Variants in EXOC6B observed in about 807,000 individuals in gnomAD.
EXOC6B encodes exocyst complex component 6B.
In EXOC6B, 54 loss-of-function variants were observed where a neutral mutation model predicts 113.5. The ratio of observed to expected loss-of-function variants is 0.48; its 90% CI spans 0.38 to 0.60. EXOC6B has a LOEUF of 0.60. Ranked by LOEUF, EXOC6B falls within the 20% of genes least tolerant of loss-of-function variation. EXOC6B has a pLI of 0.00. For missense variants in EXOC6B, 797 were observed against 977.5 expected (o/e 0.82, Z 2.46); for synonymous variants, 357 against 339.0 (o/e 1.05, Z -0.58).
intron 5 of EXOC6B, among the ~76,000 whole-genome samples, chr2:72,729,075 G>A (rs576767610): frequency 8.1e-4 from 123 of 152,152 alleles, no homozygotes; most frequent in Middle Eastern, 6.8e-3. Flanking sequence ...TTTGTTGAGC[G>A]AATACACAGA....
chr2:72,525,987 G>T (rs950718176), intron 8 of EXOC6B, among the ~76,000 whole-genome samples: 2 of 152,044 alleles, frequency 1.3e-5, no homozygotes, highest in African/African-American at 4.8e-5. Flanking sequence ...CCAAAAGTTG[G>T]TAGTTTTCTA....
At chr2:72,775,397 C>A (rs1430800527) in intron 1 of EXOC6B, among the ~76,000 whole-genome samples, 1 of 152,178 alleles carries the variant, frequency 6.6e-6, no homozygotes, top group Non-Finnish European at 1.5e-5. Context: ...AATAACAAAA[C>A]ATAAACCTAT....
At chr2:72,626,776 A>G (rs900925316) in intron 6 of EXOC6B, among the ~76,000 whole-genome samples, 3 of 152,060 alleles carry the variant, frequency 2.0e-5, no homozygotes, top group African/African-American at 7.2e-5. Flanking sequence ...TTCCCTCCCC[A>G]CTATGCCAGA....
intron 19 of EXOC6B, among the ~76,000 whole-genome samples, chr2:72,338,120 A>C (rs1688799953): frequency 6.6e-6 from 1 of 152,102 alleles, no homozygotes; most frequent in Non-Finnish European, 1.5e-5. Flanking sequence ...CCAGCTTTCC[A>C]CTTAGTAGCT....
intron 20 of EXOC6B, among the ~76,000 whole-genome samples, chr2:72,304,839 T>C (rs1686739139): frequency 6.6e-6 from 1 of 152,174 alleles, no homozygotes; most frequent in Non-Finnish European, 1.5e-5. Context: ...CCCTAGACAA[T>C]AAGCAGCAAA....
intron 18 of EXOC6B, among the ~76,000 whole-genome samples, chr2:72,421,685 C>G (rs576505269): frequency 1.1e-4 from 17 of 152,392 alleles, no homozygotes; most frequent in Admixed American, 9.8e-4. Flanking sequence ...ACAGCCCTCA[C>G]TCGCTCTCGG....
At chr2:72,367,612 A>T (rs1690711491) in intron 19 of EXOC6B, among the ~76,000 whole-genome samples, 2 of 152,226 alleles carry the variant, frequency 1.3e-5, no homozygotes, top group South Asian at 2.1e-4. Flanking sequence ...AGATTTTTAC[A>T]TCATATCGCT....
chr2:72,325,013 T>A (rs778128066), intron 20 of EXOC6B, among the ~76,000 whole-genome samples: 3 of 152,166 alleles, frequency 2.0e-5, no homozygotes, highest in Non-Finnish European at 4.4e-5. Context: ...AGCCCATTTT[T>A]CTTTTCTACT....
At chr2:72,333,994 A>C (rs778770203) in intron 20 of EXOC6B, among the ~76,000 whole-genome samples, 1 of 152,126 alleles carries the variant, frequency 6.6e-6, no homozygotes, top group African/African-American at 2.4e-5. Context: ...TTCAGAATGC[A>C]AACTATGTCA....
intron 11 of EXOC6B, 90 bp downstream of exon 11, chr2:72,513,042 G>C (rs1377795747): frequency 3.5e-6 from 5 of 1,440,354 alleles, no homozygotes; most frequent in Non-Finnish European, 4.7e-6. Context: ...TGATTCCAAA[G>C]ACATACATAT....
intron 18 of EXOC6B, among the ~76,000 whole-genome samples, chr2:72,446,365 G>T (rs1319629040): frequency 6.7e-6 from 1 of 149,076 alleles, no homozygotes; most frequent in Non-Finnish European, 1.5e-5. Context: ...GGCAACAAGA[G>T]CAATACTCTG....
chr2:72,401,599 ATATG>A (rs1407144244), intron 18 of EXOC6B, among the ~76,000 whole-genome samples: 4 of 37,768 alleles, frequency 1.1e-4, no homozygotes, highest in South Asian at 5.6e-4. Context: ...ATATATATAT[ATATG>A]TGTATATATA....
chr2:72,489,164 C>T (rs934319061), intron 16 of EXOC6B, among the ~76,000 whole-genome samples: 6 of 152,154 alleles, frequency 3.9e-5, no homozygotes, highest in East Asian at 1.9e-4. Context: ...ATTTCCTTAA[C>T]CCAGGTGCTT....
At chr2:72,801,987 G>A (rs1685303627) in intron 1 of EXOC6B, among the ~76,000 whole-genome samples, 1 of 152,074 alleles carries the variant, frequency 6.6e-6, no homozygotes, top group Non-Finnish European at 1.5e-5. Context: ...ATCATTTCTT[G>A]GAATTCATAA....
At chr2:72,668,240 C>T (rs748467037) in intron 6 of EXOC6B, among the ~76,000 whole-genome samples, 15 of 152,136 alleles carry the variant, frequency 9.9e-5, no homozygotes, top group Admixed American at 3.3e-4. Context: ...GTCAGAATGG[C>T]TCTTGTTAAG....
intron 18 of EXOC6B, among the ~76,000 whole-genome samples, chr2:72,456,075 G>C (rs545189660): frequency 1.3e-5 from 2 of 152,034 alleles, no homozygotes; most frequent in African/African-American, 4.8e-5. Context: ...GTGACTGTCC[G>C]TATATCATAG....
At chr2:72,266,179 G>A (rs1403800690) in intron 20 of EXOC6B, among the ~76,000 whole-genome samples, 37 of 151,782 alleles carry the variant, frequency 2.4e-4, no homozygotes, top group African/African-American at 5.8e-4. Flanking sequence ...AGTAGGTTGC[G>A]AAAATTTTCT....
At position 72,595,121 on chromosome 2, in the gene EXOC6B, C is replaced by T. The variant is rs192524972; in HGVS notation, c.670-19453G>A. Among the ~76,000 whole-genome samples the T allele has an allele frequency of 4.0e-3, 613 of 151,770 alleles. 1 individual carries two copies. The highest frequency in any genetic ancestry group is 0.014 in the African/African-American group (591 of 41,412). ...TAAAAATACACAAAAATTAGCCAGG[C>T]GTGGTGGCAAATGCTTGTAATCCCA... On this transcript the variant is annotated intron_variant, in intron 6 of 21. Coordinates refer to ENST00000272427, the MANE Select transcript of EXOC6B (RefSeq NM_015189.3).
chr2:72,449,887 G>C (rs1176887072), intron 18 of EXOC6B, among the ~76,000 whole-genome samples: 2 of 152,136 alleles, frequency 1.3e-5, no homozygotes, highest in Non-Finnish European at 2.9e-5. Flanking sequence ...CCATCCCAGA[G>C]AATCAGCTAT....
Sources: gnomAD v4.1 joint callset for allele counts (sites outside exome capture counted in the v4.1 genomes callset) on GRCh38, gnomAD v4.1.1 for gene constraint, MANE v1.5 for transcripts, NCBI Gene and HGNC (gene_info 2026-07-23, HGNC 2026-07-21) for gene names.